Variants in CLVS1 observed in about 807,000 individuals in gnomAD.
CLVS1 encodes the protein clavesin-1.
In CLVS1, 10 loss-of-function variants were observed where a neutral mutation model predicts 33.1. That is an observed-to-expected ratio of 0.30 (90% CI 0.19 to 0.51). The LOEUF is 0.51. Ranked by LOEUF, CLVS1 falls within the 20% of genes least tolerant of loss-of-function variation. The pLI is 0.97. For synonymous variants in CLVS1, 163 were observed against 166.1 expected (o/e 0.98, Z 0.14); for missense variants, 343 against 433.4 (o/e 0.79, Z 1.85).
At chr8:61,352,981 G>C (rs1812532997) in intron 2 of CLVS1, among the ~76,000 whole-genome samples, 2 of 151,878 alleles carry the variant, frequency 1.3e-5, no homozygotes, top group African/African-American at 4.8e-5. Context: ...GATATCCTCA[G>C]GAATCCTGGA....
chr8:61,010,915 C>T, the CLVS1 span, among the ~76,000 whole-genome samples: 48 of 152,212 alleles, frequency 3.2e-4, no homozygotes, highest in Admixed American at 2.8e-3. Flanking sequence ...GGGGCTTCTG[C>T]GGTGCATCCC....
chr8:61,248,114 T>A (rs1167704025), intron 2 of CLVS1, among the ~76,000 whole-genome samples: 1 of 152,210 alleles, frequency 6.6e-6, no homozygotes, highest in African/African-American at 2.4e-5. Flanking sequence ...GCCTTATTTC[T>A]GGACTTTCTA....
intron 3 of CLVS1, among the ~76,000 whole-genome samples, chr8:61,404,590 A>C (rs1814906660): frequency 6.6e-6 from 1 of 152,198 alleles, no homozygotes; most frequent in Non-Finnish European, 1.5e-5. Context: ...ACCAAGTGAC[A>C]AGACGCAAAG....
At chr8:61,233,540 AG>A (rs1808491004) in intron 2 of CLVS1, among the ~76,000 whole-genome samples, 1 of 151,798 alleles carries the variant, frequency 6.6e-6, no homozygotes, top group African/African-American at 2.4e-5. Context: ...AAAAAGAAAA[AG>A]AAAAAAAAAA....
chr8:61,377,086 A>G (rs1289661994), intron 3 of CLVS1: 3 of 260,928 alleles, frequency 1.1e-5, no homozygotes, highest in South Asian at 1.7e-4. Context: ...AAACTAGGAA[A>G]CATCTGCTTT....
At chr8:61,383,169 C>T (rs1245634880) in intron 3 of CLVS1, among the ~76,000 whole-genome samples, 1 of 152,214 alleles carries the variant, frequency 6.6e-6, no homozygotes, top group Non-Finnish European at 1.5e-5. Flanking sequence ...TATTTCTGCT[C>T]ACTATAGGTA....
chr8:61,478,534 G>A (rs577654711), intron 5 of CLVS1, among the ~76,000 whole-genome samples: 1 of 152,174 alleles, frequency 6.6e-6, no homozygotes, highest in African/African-American at 2.4e-5. Context: ...AGGATAGTTA[G>A]TTCTTCTTGT....
intron 5 of CLVS1, among the ~76,000 whole-genome samples, chr8:61,474,165 T>C (rs2640228): frequency 0.029 from 4,457 of 152,086 alleles, 76 homozygotes; most frequent in African/African-American, 0.056. Flanking sequence ...TTCTCCAACA[T>C]GGAGAATGGT....
intron 4 of CLVS1, among the ~76,000 whole-genome samples, chr8:61,455,783 T>A (rs1323176847): frequency 1.5e-4 from 23 of 152,156 alleles, no homozygotes; most frequent in Admixed American, 1.5e-3. Context: ...TAGCTCTGAG[T>A]ATTCAGGAGG....
intron 2 of CLVS1, among the ~76,000 whole-genome samples, chr8:61,270,301 T>A (rs965717087): frequency 6.6e-6 from 1 of 152,248 alleles, no homozygotes; most frequent in African/African-American, 2.4e-5. Context: ...GCTCTGTTTA[T>A]ATGCTGGATT....
At chr8:61,344,984 G>A (rs1332903091) in intron 2 of CLVS1, among the ~76,000 whole-genome samples, 2 of 152,122 alleles carry the variant, frequency 1.3e-5, no homozygotes, top group African/African-American at 4.8e-5. Context: ...GACCTACTGT[G>A]TTACCAAAAG....
intron 3 of CLVS1, among the ~76,000 whole-genome samples, chr8:61,421,161 A>G (rs555278774): frequency 6.6e-6 from 1 of 152,232 alleles, no homozygotes; most frequent in Non-Finnish European, 1.5e-5. Context: ...TCTTTGAAAC[A>G]TTGAAAGTAG....
intron 2 of CLVS1, among the ~76,000 whole-genome samples, chr8:61,209,739 T>C (rs1260102128): frequency 6.6e-6 from 1 of 152,212 alleles, no homozygotes; most frequent in Non-Finnish European, 1.5e-5. Flanking sequence ...ATGCCTGTGA[T>C]GTCTCAGATA....
chr8:61,349,474 A>G (rs964280203), intron 2 of CLVS1, among the ~76,000 whole-genome samples: 3 of 152,158 alleles, frequency 2.0e-5, no homozygotes, highest in Admixed American at 6.6e-5. Flanking sequence ...AGATTTCTGC[A>G]TGAAAACCTG....
In CLVS1 at chr8:61,176,792, G is replaced by C. The variant is rs534166014; in HGVS notation, c.-152+44932G>C. The stretch of plus-strand genomic sequence containing the variant: ...ATAAGTTAGCTTGCTACCCAGCCTG[G>C]GAAACCGTGCCTTTTCCACGGATCT... On this transcript the variant is annotated intron_variant, in intron 2 of 2. Transcript: ENST00000522621. Among the ~76,000 whole-genome samples, 6 of 152,282 alleles carry C rather than the reference G, an allele frequency of 3.9e-5. No individual in the cohort carries two copies. In the South Asian group the frequency reaches 1.0e-3, roughly 26 times the overall value.
intron 2 of CLVS1, among the ~76,000 whole-genome samples, chr8:61,267,948 T>G (rs1333227221): frequency 6.6e-6 from 1 of 152,106 alleles, no homozygotes; most frequent in Non-Finnish European, 1.5e-5. Flanking sequence ...TATTGATGGA[T>G]CGATCAGAGG....
At chr8:61,049,518 A>C in the CLVS1 span, among the ~76,000 whole-genome samples, 74 of 152,354 alleles carry the variant, frequency 4.9e-4, no homozygotes, top group South Asian at 4.4e-3. Context: ...TATATCATTA[A>C]ACGATAGGAA....
intron 2 of CLVS1, among the ~76,000 whole-genome samples, chr8:61,306,718 C>T (rs943460340): frequency 6.6e-6 from 1 of 152,182 alleles, no homozygotes; most frequent in Non-Finnish European, 1.5e-5. Flanking sequence ...TGTTGAGGAA[C>T]CTCCATACTG....
At chr8:61,300,429 C>T in intron 2 of CLVS1, 147 bp downstream of exon 2, 2 of 690,968 alleles carry the variant, frequency 2.9e-6, no homozygotes, top group Non-Finnish European at 2.4e-6. Context: ...CACAGGTGTG[C>T]TGTCTTCAAA....
Sources: gnomAD v4.1 joint callset for allele counts (sites outside exome capture counted in the v4.1 genomes callset) on GRCh38, gnomAD v4.1.1 for gene constraint, MANE v1.5 for transcripts, NCBI Gene and HGNC (gene_info 2026-07-23, HGNC 2026-07-21) for gene names.